The following CNGB3 variants were observed in gnomAD, a reference collection of about 807,000 sequenced individuals.
CNGB3 encodes the protein cyclic nucleotide gated channel subunit beta 3, also known as cyclic nucleotide-gated channel beta-3.
Under a neutral mutation model 92.8 loss-of-function variants are expected in CNGB3, and 86 were observed. That is an observed-to-expected ratio of 0.93 (90% CI 0.78 to 1.11). CNGB3 has a LOEUF of 1.11. Ranked by LOEUF, CNGB3 falls within the 50% of genes least tolerant of loss-of-function variation. The pLI is 0.00. For synonymous variants in CNGB3, 333 were observed against 332.7 expected (o/e 1.00, Z -0.01); for missense variants, 1,026 against 956.8 (o/e 1.07, Z -0.95).
chr8:86,715,932 A>T (rs1014047952), intron 3 of CNGB3, among the ~76,000 whole-genome samples: 3 of 151,868 alleles, frequency 2.0e-5, no homozygotes, highest in African/African-American at 7.2e-5. Context: ...ATATGTAACT[A>T]ACCTGCACAT....
chr8:86,694,091 T>C (rs1447655650), intron 3 of CNGB3, among the ~76,000 whole-genome samples: 10 of 79,304 alleles, frequency 1.3e-4, no homozygotes, highest in Non-Finnish European at 1.2e-4. Flanking sequence ...CCCCCCCACC[T>C]CCCTCCCAGA....
At chr8:86,644,078 GA>G (rs537862301) in intron 9 of CNGB3, among the ~76,000 whole-genome samples, 13 of 143,156 alleles carry the variant, frequency 9.1e-5, no homozygotes, top group East Asian at 8.0e-4. Context: ...AGAGTGTAAA[GA>G]AAAAAAAAAG....
At chr8:86,709,544 T>G (rs1586029823) in intron 3 of CNGB3, among the ~76,000 whole-genome samples, 1 of 152,306 alleles carries the variant, frequency 6.6e-6, no homozygotes, top group South Asian at 2.1e-4. Flanking sequence ...AGCTGATTGT[T>G]GGCATGAAAA....
At position 86,594,030 on chromosome 8, in the gene CNGB3, C is replaced by G. The variant is rs542926871; in HGVS notation, c.1781+10063G>C. 6 of 371,246 alleles carry G rather than the reference C, an allele frequency of 1.6e-5. No individual in the cohort carries two copies. In the East Asian group the frequency reaches 4.0e-4, roughly 25 times the overall value. The allele number at this position is 371,246 out of a possible 1,614,324, so 23.0% of individuals were successfully genotyped here. On this transcript the variant is annotated intron_variant, in intron 15 of 17. Coordinates refer to ENST00000320005, the MANE Select transcript of CNGB3 (RefSeq NM_019098.5). The stretch of plus-strand genomic sequence containing the variant: ...TCCTTATGGCCCTAGGACATGAGGA[C>G]CCTGCCAAGCCCACAGTAAGCTAAT...
intron 8 of CNGB3, 61 bp from the exon 9 acceptor site, chr8:86,644,747 A>G: frequency 2.8e-6 from 3 of 1,087,136 alleles, no homozygotes; most frequent in Non-Finnish European, 3.7e-6. Context: ...ATATTTAAAT[A>G]AAACTATATG....
chr8:86,600,595 T>A (rs1822273263), intron 15 of CNGB3, among the ~76,000 whole-genome samples: 1 of 151,358 alleles, frequency 6.6e-6, no homozygotes, highest in South Asian at 2.1e-4. Context: ...ATGGATAAAT[T>A]CTAGTTCCTT....
In CNGB3 at chr8:86,658,034, G is replaced by T. The variant is rs1823549313; in HGVS notation, c.853-3972C>A. On this transcript the variant is annotated intron_variant, in intron 6 of 17. Transcript: ENST00000320005. ...TGCTCCTTCAGGTCCACCTTCTCCT[G>T]CATGAGCTCCATAAAGTGGCTCTGC... is the stretch of plus-strand genomic sequence containing the variant. The T allele has an allele frequency of 5.5e-6, 3 of 543,632 alleles. No individual in the cohort carries two copies. The Admixed American group carries it at 6.2e-5, about 11-fold the overall frequency. The allele number at this position is 543,632 out of a possible 1,614,324, so 33.7% of individuals were successfully genotyped here. A position where few individuals can be genotyped will look rare whatever the true frequency, so the allele number is the denominator to read the frequency against.
chr8:86,723,426 G>T (rs1451242842), intron 3 of CNGB3, among the ~76,000 whole-genome samples: 1 of 152,084 alleles, frequency 6.6e-6, no homozygotes, highest in Admixed American at 6.6e-5. Flanking sequence ...GGTTGAAGAT[G>T]CTGATATTTA....
chr8:86,586,278 A>C (rs1368712030), intron 15 of CNGB3, among the ~76,000 whole-genome samples: 1 of 152,188 alleles, frequency 6.6e-6, no homozygotes, highest in Non-Finnish European at 1.5e-5. Context: ...CCAATTAGCA[A>C]ATATTATTAC....
At chr8:86,603,411 A>G (rs1317262101) in intron 15 of CNGB3, among the ~76,000 whole-genome samples, 2 of 152,194 alleles carry the variant, frequency 1.3e-5, no homozygotes, top group East Asian at 3.9e-4. Context: ...AGCTCACAAA[A>G]TGCTTAAATT....
chr8:86,611,538 T>C, intron 14 of CNGB3, 50 bp downstream of exon 14: 1 of 1,431,614 alleles, frequency 7.0e-7, no homozygotes, highest in East Asian at 2.3e-5. Context: ...ATGTCCGAAA[T>C]CCTCAAATGC....
At chr8:86,647,424 C>T (rs1041934031) in intron 8 of CNGB3, among the ~76,000 whole-genome samples, 15 of 150,154 alleles carry the variant, frequency 1.0e-4, no homozygotes, top group African/African-American at 3.4e-4. Context: ...TAACCTAACC[C>T]CTTAATTTTA....
intron 3 of CNGB3, among the ~76,000 whole-genome samples, chr8:86,678,959 T>C (rs1227550284): frequency 6.6e-6 from 1 of 152,152 alleles, no homozygotes; most frequent in African/African-American, 2.4e-5. Context: ...TTAAAATTCC[T>C]CAATGGCTTC....
intron 2 of CNGB3, among the ~76,000 whole-genome samples, chr8:86,734,613 A>G (rs1362785454): frequency 6.6e-6 from 1 of 152,224 alleles, no homozygotes; most frequent in Non-Finnish European, 1.5e-5. Flanking sequence ...GTTCCCAGTG[A>G]TTTAAGAAAG....
chr8:86,601,770 C>T (rs1418880473), intron 15 of CNGB3, among the ~76,000 whole-genome samples: 3 of 152,164 alleles, frequency 2.0e-5, no homozygotes, highest in African/African-American at 7.2e-5. Context: ...CCTGTTTCCC[C>T]ATAACCACAG....
chr8:86,575,881 T>A lies in CNGB3; in HGVS notation c.2353A>T (p.Ile785Phe). 1 of 1,613,364 alleles carries A rather than the reference T, an allele frequency of 6.2e-7. No homozygotes were observed. The highest frequency in any genetic ancestry group is 8.5e-7 in the Non-Finnish European group (1 of 1,179,842). Residue 785 changes from isoleucine to phenylalanine, a missense_variant, in exon 18 of 18, where the codon ATT becomes TTT. Physicochemically the swap from Ile to Phe is conservative, Grantham distance 21 (BLOSUM62 0). Transcript: ENST00000320005. ...TCAGCAGAAGGAGCCATGCTGATAATGAGTGATTGACGAGAAGTCCCTCTG... is the reference window on the plus strand; with the variant it reads ...TCAGCAGAAGGAGCCATGCTGATAAAGAGTGATTGACGAGAAGTCCCTCTG... ...LPRGTSRQSL[I>F]ISMAPSAEGG...
At position 86,643,887 on chromosome 8, in the gene CNGB3, T is replaced by C. The variant is rs1370207493; in HGVS notation, c.1056-14A>G. 1.2e-6 allele frequency: 2 copies of C among 1,602,290 alleles called. No individual in the cohort carries two copies. Among genetic ancestry groups the C allele is most frequent in the South Asian group, 2.2e-5 (2 of 90,770 alleles). On this transcript the variant is annotated splice_polypyrimidine_tract_variant and intron_variant, in intron 9 of 17. Coordinates refer to ENST00000320005, the MANE Select transcript of CNGB3 (RefSeq NM_019098.5). ...GTTCGAATAACTCTGTCAGAGAGAATAGATGCAAAGTAAGATTCATGTTGT... is the reference window on the plus strand; with the variant it reads ...GTTCGAATAACTCTGTCAGAGAGAACAGATGCAAAGTAAGATTCATGTTGT...
Position 86,694,522 on chromosome 8 carries a change from C to T in CNGB3, c.339-23424G>A, listed in dbSNP as rs1306955517. On this transcript the variant is annotated intron_variant, in intron 3 of 17. Transcript: ENST00000320005. The stretch of plus-strand genomic sequence containing the variant: ...CTCAGATGGGGCGGCTGCCGGGTGG[C>T]GGGACTCCTCACTTCTCAGACGGGG... Among the ~76,000 whole-genome samples the T allele has an allele frequency of 5.9e-5, 9 of 151,288 alleles. No individual in the cohort carries two copies. In the South Asian group the frequency reaches 6.3e-4, roughly 11 times the overall value.
At chr8:86,692,836 G>A (rs899452922) in intron 3 of CNGB3, among the ~76,000 whole-genome samples, 2 of 151,792 alleles carry the variant, frequency 1.3e-5, no homozygotes, top group Non-Finnish European at 2.9e-5. Flanking sequence ...TGAAGTTTTT[G>A]CTTTAAGGAT....
Sources: allele counts gnomAD v4.1 joint callset (sites outside exome capture counted in the v4.1 genomes callset), GRCh38; gene constraint gnomAD v4.1.1; transcripts MANE v1.5; gene names NCBI Gene and HGNC (gene_info 2026-07-23, HGNC 2026-07-21).